Variants in AGTPBP1 observed in about 807,000 individuals in gnomAD.
AGTPBP1 encodes ATP/GTP binding carboxypeptidase 1, also known as cytosolic carboxypeptidase 1.
A neutral mutation model predicts 143.9 loss-of-function variants in AGTPBP1; 70 were observed. That is an observed-to-expected ratio of 0.49 (90% confidence interval 0.40 to 0.59). The LOEUF (loss-of-function observed/expected upper bound fraction) is 0.59. Among genes scored for constraint, AGTPBP1 ranks in the 20% least tolerant of loss-of-function variants. The pLI, the probability that AGTPBP1 is intolerant of heterozygous loss-of-function variation, is 0.00. For synonymous variants in AGTPBP1, 463 were observed against 500.2 expected, an observed-to-expected ratio of 0.93 and a Z score of 0.99; for missense variants, 1,229 against 1,464.5, an observed-to-expected ratio of 0.84 and a Z score of 2.62.
intron 20 of AGTPBP1, among the ~76,000 whole-genome samples, chr9:85,589,135 C>T (rs1197646089): frequency 6.6e-6 from 1 of 152,074 alleles, no homozygotes; most frequent in Non-Finnish European, 1.5e-5. Context: ...AAATGAATAA[C>T]TATTCTGTGC....
Position 85,703,722 on chromosome 9 carries a change from G to A in AGTPBP1, c.32+8780C>T, listed in dbSNP as rs537129113. Among the ~76,000 whole-genome samples the A allele has an allele frequency of 2.6e-5, 4 of 152,330 alleles. 1 individual carries two copies. Among genetic ancestry groups the A allele is most frequent in the African/African-American group, 7.2e-5 (3 of 41,572 alleles). Reference sequence around the variant, plus strand: ...AATACTTAATAGGCATGGAGATACAGAGGGATTGGTCTCCACTACAGATGA... The same window carrying A: ...AATACTTAATAGGCATGGAGATACAAAGGGATTGGTCTCCACTACAGATGA... On this transcript the variant is annotated intron_variant, in intron 2 of 25. Coordinates refer to ENST00000357081, the MANE Select transcript of AGTPBP1 (RefSeq NM_001330701.2).
At position 85,695,671 on chromosome 9, in the gene AGTPBP1, G is replaced by A. The variant is rs754246220; in HGVS notation, c.33-2858C>T. 3.9e-5 allele frequency among the ~76,000 whole-genome samples: 6 copies of A among 152,100 alleles called. No individual in the cohort carries two copies. In the South Asian group the frequency reaches 6.2e-4, roughly 16 times the overall value. On this transcript the variant is annotated intron_variant, in intron 2 of 25. Coordinates refer to ENST00000357081, the MANE Select transcript of AGTPBP1 (RefSeq NM_001330701.2). ...CTGTGTGCATAAAATCATTTCTGCT[G>A]CACATTGAAATATGATGGTTATCTT...
intron 12 of AGTPBP1, among the ~76,000 whole-genome samples, chr9:85,643,346 A>G (rs1361802752): frequency 6.6e-6 from 1 of 152,212 alleles, no homozygotes; most frequent in Non-Finnish European, 1.5e-5. Flanking sequence ...TTTATTCTGC[A>G]TAAGAACACT....
the AGTPBP1 span, among the ~76,000 whole-genome samples, chr9:85,790,996 T>C: frequency 6.6e-6 from 1 of 152,348 alleles, no homozygotes; most frequent in South Asian, 2.1e-4. Flanking sequence ...ACCTTATTTG[T>C]ATACTGTATT....
At chr9:85,625,489 T>A (rs192334863) in intron 14 of AGTPBP1, among the ~76,000 whole-genome samples, 261 of 152,352 alleles carry the variant, frequency 1.7e-3, no homozygotes, top group Non-Finnish European at 2.9e-3. Flanking sequence ...TTTTTCATTT[T>A]ATTTTCATAA....
chr9:85,580,184 C>A (rs1424110948), intron 23 of AGTPBP1, among the ~76,000 whole-genome samples: 8 of 151,324 alleles, frequency 5.3e-5, no homozygotes, highest in African/African-American at 1.9e-4. Flanking sequence ...GTTGCGTGAG[C>A]CGAGATTGCA....
chr9:85,560,888 G>A (rs1826668732), intron 25 of AGTPBP1, among the ~76,000 whole-genome samples: 1 of 152,112 alleles, frequency 6.6e-6, no homozygotes, highest in Non-Finnish European at 1.5e-5. Context: ...CAGAAGGAGA[G>A]ATAATGAAGG....
the AGTPBP1 span, chr9:85,786,192 A>C: frequency 2.5e-6 from 4 of 1,595,822 alleles, no homozygotes; most frequent in Non-Finnish European, 3.4e-6. Context: ...GTATGAAATT[A>C]AGTGGAAGAG....
chr9:85,661,126 G>A (rs11141058), intron 8 of AGTPBP1, among the ~76,000 whole-genome samples, 153 bp from the exon 9 acceptor site: 3,193 of 151,892 alleles, frequency 0.021, 105 homozygotes, highest in African/African-American at 0.066. Context: ...GTATTTCTCC[G>A]TATGCATCTC....
At chr9:85,728,775 GA>G (rs972562298) in intron 1 of AGTPBP1, among the ~76,000 whole-genome samples, 1,594 of 135,248 alleles carry the variant, frequency 0.012, 23 homozygotes, top group African/African-American at 0.037. Context: ...TTGCCAATCA[GA>G]AAAAAAAAAA....
intron 6 of AGTPBP1, 51 bp from the exon 7 acceptor site, chr9:85,672,732 ATTT>A (rs35158140): frequency 7.4e-3 from 6,729 of 909,356 alleles, no homozygotes; most frequent in East Asian, 0.011. Context: ...TTTCTTTTTA[ATTT>A]TTTTTTTTTT....
the AGTPBP1 span, among the ~76,000 whole-genome samples, chr9:85,801,460 T>G: frequency 6.6e-6 from 1 of 152,168 alleles, no homozygotes; most frequent in Non-Finnish European, 1.5e-5. Flanking sequence ...AGGTTTTTAA[T>G]GTAGATTTTG....
chr9:85,761,677 G>A, the AGTPBP1 span, among the ~76,000 whole-genome samples: 1 of 152,146 alleles, frequency 6.6e-6, no homozygotes, highest in South Asian at 2.1e-4. Flanking sequence ...AACCCTAGAA[G>A]AAAACCTAGG....
intron 17 of AGTPBP1, among the ~76,000 whole-genome samples, chr9:85,599,154 C>G (rs1026098270): frequency 1.4e-5 from 2 of 146,354 alleles, no homozygotes; most frequent in Admixed American, 6.8e-5. Context: ...CACACACACA[C>G]AGTAGGGAGC....
the AGTPBP1 span, among the ~76,000 whole-genome samples, chr9:85,749,295 A>T: frequency 1.3e-5 from 2 of 152,272 alleles, no homozygotes; most frequent in East Asian, 1.9e-4. Context: ...ACACCTTGCC[A>T]CGTAGGGCAA....
chr9:85,615,179 TTAAATA>T (rs1830537556), intron 17 of AGTPBP1, among the ~76,000 whole-genome samples: 1 of 152,068 alleles, frequency 6.6e-6, no homozygotes, highest in East Asian at 1.9e-4. Context: ...ATGGATGCTG[TTAAATA>T]TAAACACCAA....
the AGTPBP1 span, among the ~76,000 whole-genome samples, chr9:85,765,779 G>A: frequency 6.6e-6 from 1 of 152,184 alleles, no homozygotes; most frequent in African/African-American, 2.4e-5. Context: ...TTTTAGTTTG[G>A]AGCAAGTGAC....
At chr9:85,680,525 A>G (rs1159431993) in intron 4 of AGTPBP1, among the ~76,000 whole-genome samples, 1 of 151,994 alleles carries the variant, frequency 6.6e-6, no homozygotes, top group African/African-American at 2.4e-5. Context: ...TAGAGGTTGC[A>G]TTGAGCCGAG....
At chr9:85,655,044 C>CCTTT in intron 11 of AGTPBP1, 99 bp downstream of exon 11, 1 of 1,050,872 alleles carries the variant, frequency 9.5e-7, no homozygotes, top group Non-Finnish European at 1.3e-6. Flanking sequence ...TTAAGTAAGG[C>CCTTT]CTTCCTTTGC....
Sources: allele counts gnomAD v4.1 joint callset (sites outside exome capture counted in the v4.1 genomes callset), GRCh38; gene constraint gnomAD v4.1.1; transcripts MANE v1.5; gene names NCBI Gene and HGNC (gene_info 2026-07-23, HGNC 2026-07-21).